MITF: variants seen among roughly 807,000 people sequenced by gnomAD.
MITF encodes melanocyte inducing transcription factor.
MITF carries 17 observed loss-of-function variants against 60.5 expected under a neutral mutation model. The ratio of observed to expected loss-of-function variants is 0.28; its 90% CI spans 0.19 to 0.42. The LOEUF is 0.42. Among genes scored for constraint, MITF ranks in the 10% least tolerant of loss-of-function variants. The pLI is 1.00. For missense variants in MITF, 622 were observed against 683.5 expected (o/e 0.91, Z 1.00); for synonymous variants, 260 against 248.5 (o/e 1.05, Z -0.43).
intron 2 of MITF, among the ~76,000 whole-genome samples, chr3:69,907,484 A>G (rs1223989532): frequency 2.0e-5 from 3 of 152,024 alleles, no homozygotes; most frequent in East Asian, 1.9e-4. Flanking sequence ...GTTATATTCT[A>G]CTGGAGGAGA....
intron 1 of MITF, among the ~76,000 whole-genome samples, chr3:69,783,407 T>A (rs991705309): frequency 2.0e-5 from 3 of 151,934 alleles, no homozygotes; most frequent in Non-Finnish European, 4.4e-5. Flanking sequence ...GGGCTTTATC[T>A]GAATACAGAA....
chr3:69,864,108 G>T (rs1221371016), intron 1 of MITF, among the ~76,000 whole-genome samples: 1 of 152,088 alleles, frequency 6.6e-6, no homozygotes, highest in Non-Finnish European at 1.5e-5. Context: ...CACATTACTT[G>T]TCATCTCTTT....
chr3:69,958,271 T>C (rs1358651893), intron 8 of MITF, among the ~76,000 whole-genome samples: 3 of 152,238 alleles, frequency 2.0e-5, no homozygotes, highest in African/African-American at 7.2e-5. Flanking sequence ...AAGTTACTTC[T>C]CTTACTTTGA....
At chr3:69,931,845 C>T (rs1416329606) in intron 2 of MITF, among the ~76,000 whole-genome samples, 1 of 152,216 alleles carries the variant, frequency 6.6e-6, no homozygotes, top group Non-Finnish European at 1.5e-5. Context: ...GAAGAGGGAG[C>T]TTCTCTAGTT....
At chr3:69,887,055 C>A (rs2064636448) in intron 2 of MITF, among the ~76,000 whole-genome samples, 1 of 152,054 alleles carries the variant, frequency 6.6e-6, no homozygotes, top group Non-Finnish European at 1.5e-5. Flanking sequence ...TTCCCATGCA[C>A]CTTGCAATAT....
At chr3:69,820,068 G>A (rs757661546) in intron 1 of MITF, among the ~76,000 whole-genome samples, 6 of 152,174 alleles carry the variant, frequency 3.9e-5, no homozygotes, top group East Asian at 1.9e-4. Flanking sequence ...AAATTGAGAC[G>A]TACTGTATGT....
At chr3:69,798,281 C>T (rs2062862770) in intron 1 of MITF, among the ~76,000 whole-genome samples, 1 of 152,158 alleles carries the variant, frequency 6.6e-6, no homozygotes, top group South Asian at 2.1e-4. Flanking sequence ...TTAGTGGAAG[C>T]CAGGCAGATC....
At chr3:69,769,194 T>A (rs1344786753) in intron 1 of MITF, among the ~76,000 whole-genome samples, 1 of 152,170 alleles carries the variant, frequency 6.6e-6, no homozygotes, top group African/African-American at 2.4e-5. Flanking sequence ...ATTTCTTATC[T>A]GTAAAATAAT....
intron 2 of MITF, 49 bp downstream of exon 2, chr3:69,879,432 C>T (rs2064431981): frequency 6.2e-7 from 1 of 1,613,070 alleles, no homozygotes; most frequent in Admixed American, 1.7e-5. Context: ...CTTCCATTTT[C>T]CATTTGCTAG....
chr3:69,805,737 T>G (rs2062994704), intron 1 of MITF, among the ~76,000 whole-genome samples: 1 of 151,448 alleles, frequency 6.6e-6, no homozygotes, highest in African/African-American at 2.4e-5. Flanking sequence ...TAGCTTACTG[T>G]AACCTCCAAC....
intron 2 of MITF, among the ~76,000 whole-genome samples, chr3:69,880,471 A>G (rs564220465): frequency 2.6e-5 from 4 of 152,254 alleles, no homozygotes; most frequent in African/African-American, 7.2e-5. Context: ...GAAGAAACCA[A>G]CTGAAATTGG....
chr3:69,903,464 G>T (rs1264487167), intron 2 of MITF, among the ~76,000 whole-genome samples: 3 of 152,096 alleles, frequency 2.0e-5, no homozygotes, highest in African/African-American at 7.2e-5. Context: ...TCTTGCTGTG[G>T]TGTAGGTAAG....
At chr3:69,948,856 T>C (rs2066167617) in intron 5 of MITF, among the ~76,000 whole-genome samples, 195 bp from the exon 6 acceptor site, 1 of 152,196 alleles carries the variant, frequency 6.6e-6, no homozygotes, top group African/African-American at 2.4e-5. Flanking sequence ...AGGGAACTGG[T>C]TGAGGAGATC....
At chr3:69,958,583 A>G (rs1487911789) in intron 8 of MITF, among the ~76,000 whole-genome samples, 1 of 152,192 alleles carries the variant, frequency 6.6e-6, no homozygotes, top group Non-Finnish European at 1.5e-5. Flanking sequence ...TAAAAAAAAA[A>G]AAAATAGAAG....
chr3:69,830,362 C>T (rs749039945), intron 1 of MITF, among the ~76,000 whole-genome samples: 3 of 152,124 alleles, frequency 2.0e-5, no homozygotes, highest in African/African-American at 7.2e-5. Context: ...CTGGAAAGCT[C>T]GGCCTGCTAC....
chr3:69,880,771 A>T (rs1043642416), intron 2 of MITF, among the ~76,000 whole-genome samples: 1 of 152,046 alleles, frequency 6.6e-6, no homozygotes, highest in Non-Finnish European at 1.5e-5. Flanking sequence ...TAGGTTATTT[A>T]AAATTGTATG....
At chr3:69,836,159 T>C (rs1298131879) in intron 1 of MITF, among the ~76,000 whole-genome samples, 1 of 152,202 alleles carries the variant, frequency 6.6e-6, no homozygotes, top group African/African-American at 2.4e-5. Flanking sequence ...CTTCCTTGTT[T>C]TATAGTTTTC....
intron 9 of MITF, 75 bp from the exon 10 acceptor site, chr3:69,964,772 A>G (rs2066640762): frequency 7.4e-7 from 1 of 1,351,144 alleles, no homozygotes; most frequent in East Asian, 2.3e-5. Flanking sequence ...ATAGTATCAT[A>G]TAGAGTGGTT....
At chr3:69,869,998 GGT>G (rs1690995909) in intron 1 of MITF, among the ~76,000 whole-genome samples, 1 of 151,906 alleles carries the variant, frequency 6.6e-6, no homozygotes, top group African/African-American at 2.4e-5. Flanking sequence ...CAGTTTCGGT[GGT>G]GTTCTTGGGG....
Sources: allele counts gnomAD v4.1 joint callset (sites outside exome capture counted in the v4.1 genomes callset), GRCh38; gene constraint gnomAD v4.1.1; transcripts MANE v1.5; gene names NCBI Gene and HGNC (gene_info 2026-07-23, HGNC 2026-07-21).